The following KIF4A variants were observed in gnomAD, a reference collection of about 807,000 sequenced individuals.
KIF4A encodes the protein kinesin family member 4A.
KIF4A carries 7 observed loss-of-function variants against 105.9 expected under a neutral mutation model. The ratio of observed to expected loss-of-function variants is 0.07; its 90% CI spans 0.04 to 0.12. KIF4A has a LOEUF of 0.12. Ranked by LOEUF, KIF4A falls within the 10% of genes least tolerant of loss-of-function variation. KIF4A has a pLI of 1.00. For missense variants in KIF4A, 558 were observed against 929.2 expected, an observed-to-expected ratio of 0.60 and a Z score of 5.19; for synonymous variants, 281 against 331.3, an observed-to-expected ratio of 0.85 and a Z score of 1.65.
intron 22 of KIF4A, among the ~76,000 whole-genome samples, chrX:70,397,388 GAAAGA>G (rs1267092267): frequency 9.2e-6 from 1 of 108,785 alleles, no homozygotes; most frequent in Non-Finnish European, 1.9e-5. Context: ...CAGACAGACA[GAAAGA>G]AAGGAAAGGA....
chrX:70,302,080 T>C lies in KIF4A; in HGVS notation c.683+14T>C. 2 of 1,206,666 alleles carry C rather than the reference T, an allele frequency of 1.7e-6. No homozygotes were observed. The highest frequency in any genetic ancestry group is 2.2e-6 in the Non-Finnish European group (2 of 891,508). ...GAAAAGTGACAAGTAAGTTACAATT[T>C]AAAGAGTCAAGATTTTTAGTATTAG... On this transcript the variant is annotated intron_variant, in intron 6 of 30. Transcript: ENST00000374403.
At chrX:70,364,657 T>C (rs1450759164) in intron 15 of KIF4A, among the ~76,000 whole-genome samples, 1 of 111,638 alleles carries the variant, frequency 9.0e-6, no homozygotes, top group African/African-American at 3.3e-5. Context: ...TGTAGTATAG[T>C]TTGAAATCAG....
intron 13 of KIF4A, among the ~76,000 whole-genome samples, chrX:70,350,421 G>A (rs1008144352): frequency 9.0e-6 from 1 of 111,430 alleles, no homozygotes; most frequent in Non-Finnish European, 1.9e-5. Flanking sequence ...AGGCAGGGAG[G>A]TTGCAGCGAG....
At chrX:70,364,655 A>G (rs151193044) in intron 15 of KIF4A, among the ~76,000 whole-genome samples, 2,687 of 111,331 alleles carry the variant, frequency 0.024, 45 homozygotes, top group Admixed American at 0.077. Flanking sequence ...CTTGTAGTAT[A>G]GTTTGAAATC....
chrX:70,408,906 C>T (rs2086310377), intron 28 of KIF4A, among the ~76,000 whole-genome samples: 1 of 112,223 alleles, frequency 8.9e-6, no homozygotes, highest in Non-Finnish European at 1.9e-5. Context: ...ACTCTTGTTG[C>T]CCAGGCTGGA....
At chrX:70,298,923 T>C (rs2085794110) in intron 4 of KIF4A, among the ~76,000 whole-genome samples, 190 bp from the exon 5 acceptor site, 1 of 112,708 alleles carries the variant, frequency 8.9e-6, no homozygotes, top group East Asian at 2.8e-4. Flanking sequence ...TTCATTCTTA[T>C]AAAACATCAA....
At chrX:70,405,756 A>G (rs970928294) in intron 25 of KIF4A, 72 bp from the exon 26 acceptor site, 1 of 742,942 alleles carries the variant, frequency 1.3e-6, no homozygotes. Flanking sequence ...GTTTTCATCT[A>G]TGTGAGTTGT....
chrX:70,419,958 C>A, intron 30 of KIF4A, 104 bp from the exon 31 acceptor site: 1 of 981,890 alleles, frequency 1.0e-6, no homozygotes, highest in Non-Finnish European at 1.4e-6. Flanking sequence ...TCTTAAAGAA[C>A]ACTTCATACT....
chrX:70,349,585 C>T (rs1192918919), intron 13 of KIF4A, among the ~76,000 whole-genome samples: 3 of 86,043 alleles, frequency 3.5e-5, no homozygotes, highest in Non-Finnish European at 6.7e-5. Flanking sequence ...GGCGGCCGGG[C>T]AGAGATGCTC....
At chrX:70,375,395 CAT>C (rs2086171095) in intron 17 of KIF4A, 47 bp downstream of exon 17, 1 of 1,135,375 alleles carries the variant, frequency 8.8e-7, no homozygotes, top group African/African-American at 1.8e-5. Flanking sequence ...AATTTACAAA[CAT>C]AGGTATTCCA....
intron 18 of KIF4A, among the ~76,000 whole-genome samples, chrX:70,382,418 G>C (rs2086200504): frequency 8.9e-6 from 1 of 111,883 alleles, no homozygotes; most frequent in African/African-American, 3.2e-5. Flanking sequence ...GCAACAGAGT[G>C]AGACTCTGTC....
intron 18 of KIF4A, among the ~76,000 whole-genome samples, chrX:70,378,846 G>A (rs1171771041): frequency 9.2e-6 from 1 of 108,364 alleles, no homozygotes; most frequent in Non-Finnish European, 1.9e-5. Flanking sequence ...CAAACCTTCA[G>A]ATAGCCTTAA....
At chrX:70,338,173 A>G (rs1465972102) in intron 10 of KIF4A, among the ~76,000 whole-genome samples, 1 of 111,681 alleles carries the variant, frequency 9.0e-6, no homozygotes, top group African/African-American at 3.3e-5. Context: ...AAATTTACGT[A>G]CCATAAAATT....
chrX:70,415,150 G>C (rs1459684673), intron 28 of KIF4A, among the ~76,000 whole-genome samples: 1 of 112,197 alleles, frequency 8.9e-6, no homozygotes. Flanking sequence ...CTGCAGCCTT[G>C]TTTATAAGAA....
rs927182059 is a variant in KIF4A at position 70,356,790 on chromosome X, C to G, written c.1674+2983C>G. Among the ~76,000 whole-genome samples, 7 of 111,631 alleles carry G rather than the reference C, an allele frequency of 6.3e-5. 1 individual carries two copies. The highest frequency in any genetic ancestry group is 4.8e-4 in the Admixed American group (5 of 10,493). On this transcript the variant is annotated intron_variant, in intron 15 of 30. Transcript: ENST00000374403. ...CATGATGGAAGACAAGAACGTAGCT[C>G]TCTTATCCCACCACCTGTGCACACT...
intron 18 of KIF4A, among the ~76,000 whole-genome samples, chrX:70,383,147 A>G (rs2086204229): frequency 9.4e-6 from 1 of 105,868 alleles, no homozygotes; most frequent in Admixed American, 1.0e-4. Context: ...AGATCGTGCC[A>G]TTGCACTCCA....
At chrX:70,298,077 C>T (rs1428762325) in intron 4 of KIF4A, among the ~76,000 whole-genome samples, 1 of 109,174 alleles carries the variant, frequency 9.2e-6, no homozygotes, top group African/African-American at 3.3e-5. Context: ...CCGAGACCAG[C>T]CTGGGCAACA....
intron 20 of KIF4A, among the ~76,000 whole-genome samples, chrX:70,390,910 T>C (rs1175384488): frequency 8.9e-6 from 1 of 112,191 alleles, no homozygotes; most frequent in Non-Finnish European, 1.9e-5. Flanking sequence ...GAGATTAATT[T>C]GTGTTGTTTG....
intron 7 of KIF4A, among the ~76,000 whole-genome samples, chrX:70,318,787 G>A (rs1409481189): frequency 1.8e-5 from 2 of 111,719 alleles, no homozygotes; most frequent in East Asian, 5.6e-4. Flanking sequence ...GCCTGTTCAC[G>A]TCTTGCTCAT....
Sources: gnomAD v4.1 joint callset for allele counts (sites outside exome capture counted in the v4.1 genomes callset) on GRCh38, gnomAD v4.1.1 for gene constraint, MANE v1.5 for transcripts, NCBI Gene and HGNC (gene_info 2026-07-23, HGNC 2026-07-21) for gene names.